The following PCDHGB4 variants were observed in gnomAD, a reference collection of about 807,000 sequenced individuals.
The protein encoded by PCDHGB4 is protocadherin gamma subfamily B, 4, also known as protocadherin gamma-B4.
In PCDHGB4, 38 loss-of-function variants were observed where a neutral mutation model predicts 60.5. The observed-to-expected ratio is 0.63, with a 90% CI of 0.48 to 0.82. The LOEUF (loss-of-function observed/expected upper bound fraction) is 0.82, where lower values mean the gene tolerates loss of function less well. Among genes scored for constraint, PCDHGB4 ranks in the 40% least tolerant of loss-of-function variants. The pLI, the probability that PCDHGB4 is intolerant of heterozygous loss-of-function variation, is 0.00. For synonymous variants in PCDHGB4, 456 were observed against 509.7 expected, an observed-to-expected ratio of 0.89 and a Z score of 1.42; for missense variants, 1,109 against 1,209.6, an observed-to-expected ratio of 0.92 and a Z score of 1.23.
intron 1 of PCDHGB4, chr5:141,392,909 C>T: frequency 1.2e-6 from 2 of 1,613,876 alleles, no homozygotes; most frequent in Admixed American, 3.3e-5. Flanking sequence ...GACAGATTCG[C>T]TACTCTGTGC....
chr5:141,413,599 C>G, intron 1 of PCDHGB4: 2 of 1,613,830 alleles, frequency 1.2e-6, no homozygotes, highest in East Asian at 2.2e-5. Flanking sequence ...AGCAGAAAAT[C>G]TAGACGTAAA....
At position 141,431,942 on chromosome 5, in the gene PCDHGB4, G is replaced by A. The variant is rs1284808063; in HGVS notation, c.2397+41661G>A. 6.2e-7 allele frequency: 1 copy of A among 1,614,116 alleles called. No homozygotes were observed. The highest frequency in any genetic ancestry group is 2.2e-5 in the East Asian group (1 of 44,884). ...CCAAGGAAATCTGCCCTTTAAATTA[G>A]AAAAATCTTACGGAAATTACTATAG... On this transcript the variant is annotated intron_variant, in intron 1 of 3. Transcript: ENST00000519479. The surrounding 1 kb of genome is among the most constrained non-coding windows in gnomAD (Gnocchi z 4.8).
Position 141,491,078 on chromosome 5 carries a change from C to G in PCDHGB4, c.2398-3729C>G, listed in dbSNP as rs1386717886. The G allele has an allele frequency of 5.6e-6, 9 of 1,614,194 alleles. No homozygotes were observed. Among genetic ancestry groups the G allele is most frequent in the East Asian group, 4.5e-5 (2 of 44,882 alleles). ...CTCTCCTACTCACTGTTGCCACAGTCCACAGCCCCAGGACTGTTCCTCGTG... is the reference window on the plus strand; with the variant it reads ...CTCTCCTACTCACTGTTGCCACAGTGCACAGCCCCAGGACTGTTCCTCGTG... On this transcript the variant is annotated intron_variant, in intron 1 of 3. Transcript: ENST00000519479. This position sits in a 1 kb window ranked among gnomAD's most constrained non-coding sequence, Gnocchi z 6.9.
chr5:141,469,834 T>C (rs1228732202), intron 1 of PCDHGB4, among the ~76,000 whole-genome samples: 4 of 152,068 alleles, frequency 2.6e-5, no homozygotes, highest in African/African-American at 9.7e-5. Context: ...ACATAAAACT[T>C]ATTCTTAAGA....
intron 1 of PCDHGB4, chr5:141,419,146 GCCT>G: frequency 6.2e-7 from 1 of 1,613,922 alleles, no homozygotes; most frequent in East Asian, 2.2e-5. Context: ...ACAGGGGCAA[GCCT>G]CCGTTATCCT....
chr5:141,395,413 GT>G, intron 1 of PCDHGB4: 2 of 791,446 alleles, frequency 2.5e-6, no homozygotes, highest in Non-Finnish European at 3.8e-6. Context: ...ATAGGTTATT[GT>G]TTCATTTGCT....
chr5:141,399,055 G>A (rs372997829), intron 1 of PCDHGB4: 3 of 1,613,726 alleles, frequency 1.9e-6, no homozygotes, highest in African/African-American at 2.7e-5. Context: ...AGAGACCAAG[G>A]AATATTCAAT....
intron 1 of PCDHGB4, among the ~76,000 whole-genome samples, chr5:141,406,174 G>A (rs990967391): frequency 2.6e-5 from 4 of 151,264 alleles, no homozygotes; most frequent in African/African-American, 9.7e-5. Flanking sequence ...CTGGGCTTAT[G>A]CAATCCTCCC....
chr5:141,505,283 G>A, intron 2 of PCDHGB4, 110 bp from the exon 3 acceptor site: 5 of 1,547,446 alleles, frequency 3.2e-6, no homozygotes, highest in Non-Finnish European at 3.5e-6. Flanking sequence ...ACAGGTCTTG[G>A]GCATGGGGTA....
At position 141,408,036 on chromosome 5, in the gene PCDHGB4, A is replaced by G. The variant is rs941133513; in HGVS notation, c.2397+17755A>G. On this transcript the variant is annotated intron_variant, in intron 1 of 3. Coordinates refer to ENST00000519479, the MANE Select transcript of PCDHGB4 (RefSeq NM_003736.4). ...AGCCAACAACAGAAAGAAGAAAACC[A>G]GCTCCCACACAGAGCCTCCCGGCTG... 7.9e-6 allele frequency: 9 copies of G among 1,132,718 alleles called. No individual in the cohort carries two copies. In the African/African-American group the frequency reaches 1.4e-4, roughly 18 times the overall value. The allele number at this position is 1,132,718 out of a possible 1,614,324, so 70.2% of individuals were successfully genotyped here. A position where few individuals can be genotyped will look rare whatever the true frequency, so the allele number is the denominator to read the frequency against.
rs1243232069 is a variant in PCDHGB4 at position 141,490,842 on chromosome 5, G to A, written c.2398-3965G>A. Reference sequence around the variant, plus strand: ...TGCTGCAGATGCTGCAGATTGTGGTGGGGGTTCGAGACTCCGGCTCTCCCC... The same window carrying A: ...TGCTGCAGATGCTGCAGATTGTGGTAGGGGTTCGAGACTCCGGCTCTCCCC... On this transcript the variant is annotated intron_variant, in intron 1 of 3. Transcript: ENST00000519479. The surrounding 1 kb of genome is among the most constrained non-coding windows in gnomAD (Gnocchi z 5.4). 4.3e-6 allele frequency: 7 copies of A among 1,613,844 alleles called. No homozygotes were observed. In the South Asian group the frequency reaches 6.6e-5, roughly 15 times the overall value.
At chr5:141,455,394 C>T (rs1034564159) in intron 1 of PCDHGB4, among the ~76,000 whole-genome samples, 2 of 152,004 alleles carry the variant, frequency 1.3e-5, no homozygotes, top group African/African-American at 4.8e-5. Context: ...AAGGAGCTCC[C>T]CCTTACAGAG....
rs556484142 is a variant in PCDHGB4 at position 141,503,243 on chromosome 5, CA to C, written c.2457-2149del. On this transcript the variant is annotated intron_variant, in intron 2 of 3. Coordinates refer to ENST00000519479, the MANE Select transcript of PCDHGB4 (RefSeq NM_003736.4). ...CACCGTAAAGATGGACAGTTTCTAT[CA>C]TACTCACAGCCACAACCCCAGCACC... Among the ~76,000 whole-genome samples, 232 of 152,196 alleles carry C rather than the reference CA, an allele frequency of 1.5e-3. 2 individuals carry two copies. Among genetic ancestry groups the C allele is most frequent in the African/African-American group, 5.3e-3 (219 of 41,516 alleles).
chr5:141,445,890 T>C (rs1435563284), intron 1 of PCDHGB4, among the ~76,000 whole-genome samples: 1 of 152,210 alleles, frequency 6.6e-6, no homozygotes, highest in Non-Finnish European at 1.5e-5. Context: ...ACTTAGGAGC[T>C]ATTAAAATAT....
chr5:141,398,831 C>G (rs1488126013), intron 1 of PCDHGB4: 13 of 1,614,014 alleles, frequency 8.1e-6, no homozygotes, highest in Non-Finnish European at 1.1e-5. Context: ...GTAACCGACG[C>G]CAATGATAAT....
chr5:141,403,339 C>A, intron 1 of PCDHGB4: 2 of 1,614,010 alleles, frequency 1.2e-6, no homozygotes, highest in Non-Finnish European at 1.7e-6. Flanking sequence ...TTAACGACAG[C>A]GCCCCAAAGT....
chr5:141,427,265 C>G (rs767369457), intron 1 of PCDHGB4: 1 of 456,688 alleles, frequency 2.2e-6, no homozygotes, highest in Non-Finnish European at 4.4e-6. Context: ...GCATGACCAG[C>G]GAATGTAAAA....
At chr5:141,426,830 C>A (rs559240163) in intron 1 of PCDHGB4, 301 of 456,662 alleles carry the variant, frequency 6.6e-4, no homozygotes, top group African/African-American at 5.8e-3. Flanking sequence ...TGATGATGGA[C>A]AAGACTAAAG....
intron 1 of PCDHGB4, among the ~76,000 whole-genome samples, chr5:141,424,908 C>G (rs910592644): frequency 1.3e-5 from 2 of 152,184 alleles, no homozygotes; most frequent in Non-Finnish European, 2.9e-5. Context: ...TCACAGGAAT[C>G]ATTTCCATAA....
Sources: gnomAD v4.1 joint callset for allele counts (sites outside exome capture counted in the v4.1 genomes callset) on GRCh38, gnomAD v4.1.1 for gene constraint, Gnocchi (gnomAD v3.1) non-coding constraint, MANE v1.5 for transcripts, NCBI Gene and HGNC (gene_info 2026-07-23, HGNC 2026-07-21) for gene names.